The following RABGAP1L variants were observed in gnomAD, a reference collection of about 807,000 sequenced individuals.
RABGAP1L encodes RAB GTPase activating protein 1 like.
RABGAP1L carries 63 observed loss-of-function variants against 137.7 expected under a neutral mutation model. The ratio of observed to expected loss-of-function variants is 0.46; its 90% CI spans 0.37 to 0.56. RABGAP1L has a LOEUF of 0.56. RABGAP1L is among the 20% of genes least tolerant of loss of function. The probability of loss-of-function intolerance (pLI) is 0.00; values close to 1 mark genes in which losing one functional copy is unlikely to be tolerated. For missense variants in RABGAP1L, 1,095 were observed against 1,244.0 expected (o/e 0.88, Z 1.80); for synonymous variants, 431 against 433.7 (o/e 0.99, Z 0.08).
chr1:174,415,990 G>A (rs926263930), intron 13 of RABGAP1L, among the ~76,000 whole-genome samples: 10 of 140,378 alleles, frequency 7.1e-5, no homozygotes, highest in Admixed American at 5.0e-4. Context: ...CTTAAATTAA[G>A]TACTTAAGGA....
intron 11 of RABGAP1L, among the ~76,000 whole-genome samples, chr1:174,362,039 G>C (rs1278722036): frequency 6.6e-6 from 1 of 152,110 alleles, no homozygotes; most frequent in Non-Finnish European, 1.5e-5. Context: ...GCACTATTCA[G>C]TTTTCTGTTC....
intron 13 of RABGAP1L, chr1:174,548,159 T>G: frequency 6.8e-7 from 1 of 1,476,278 alleles, no homozygotes; most frequent in South Asian, 1.4e-5. Context: ...ATGTTACATA[T>G]GTTCATTTTA....
chr1:174,611,683 C>T (rs2148214276), intron 13 of RABGAP1L, among the ~76,000 whole-genome samples: 1 of 151,638 alleles, frequency 6.6e-6, no homozygotes, highest in South Asian at 2.1e-4. Context: ...TCTTCCTACC[C>T]ATGAGCATGG....
intron 11 of RABGAP1L, among the ~76,000 whole-genome samples, chr1:174,358,295 CA>C (rs1226068179): frequency 6.6e-6 from 1 of 152,016 alleles, no homozygotes; most frequent in Non-Finnish European, 1.5e-5. Flanking sequence ...TCCATTTATG[CA>C]AATGAAAGAT....
At chr1:174,166,362 G>A (rs1664908130) in intron 1 of RABGAP1L, among the ~76,000 whole-genome samples, 1 of 152,064 alleles carries the variant, frequency 6.6e-6, no homozygotes, top group Non-Finnish European at 1.5e-5. Flanking sequence ...CTTAATTTTT[G>A]GAGGCAGGTT....
intron 1 of RABGAP1L, among the ~76,000 whole-genome samples, chr1:174,202,991 C>T (rs1668240093): frequency 6.6e-6 from 1 of 151,980 alleles, no homozygotes; most frequent in African/African-American, 2.4e-5. Context: ...TTTTGCTGTG[C>T]AGAAGCTCAT....
chr1:174,834,603 G>A (rs1443086255), intron 19 of RABGAP1L, among the ~76,000 whole-genome samples: 1 of 113,090 alleles, frequency 8.8e-6, no homozygotes, highest in African/African-American at 3.3e-5. Flanking sequence ...GCCCATCCCC[G>A]CCCCCCCCGC....
chr1:174,773,000 T>C (rs1419172614), intron 18 of RABGAP1L, among the ~76,000 whole-genome samples: 1 of 152,210 alleles, frequency 6.6e-6, no homozygotes, highest in Non-Finnish European at 1.5e-5. Flanking sequence ...CTGTATTGAC[T>C]TGTTGGTATG....
intron 13 of RABGAP1L, among the ~76,000 whole-genome samples, chr1:174,519,090 T>TACAC (rs542053737): frequency 1.3e-5 from 2 of 150,600 alleles, no homozygotes; most frequent in East Asian, 3.9e-4. Flanking sequence ...AATATATATA[T>TACAC]ACACACACAC....
At chr1:174,894,440 A>G (rs1228990917) in intron 19 of RABGAP1L, among the ~76,000 whole-genome samples, 2 of 152,242 alleles carry the variant, frequency 1.3e-5, no homozygotes, top group African/African-American at 4.8e-5. Context: ...GTTTAACTTT[A>G]GCACTCAAGA....
At chr1:174,179,473 T>C (rs1230144279) in intron 1 of RABGAP1L, among the ~76,000 whole-genome samples, 1 of 152,164 alleles carries the variant, frequency 6.6e-6, no homozygotes, top group Non-Finnish European at 1.5e-5. Context: ...TCACATAGAA[T>C]GTTAAAAAGA....
rs75910353 is a variant in RABGAP1L, at chr1:174,747,090, G to A, written c.2170-5223G>A. On this transcript the variant is annotated intron_variant, in intron 17 of 25. Transcript: ENST00000681986. ...AATGGGAGGCATCTTGAAAATGTAT[G>A]AGATATTTTGCTTTTAAAAATACAT... Among the ~76,000 whole-genome samples, 87 of 152,220 alleles carry A rather than the reference G, an allele frequency of 5.7e-4. 1 individual carries two copies. In the East Asian group the frequency reaches 0.015, roughly 26 times the overall value.
chr1:174,408,447 T>G (rs1649528136), intron 13 of RABGAP1L, among the ~76,000 whole-genome samples: 1 of 152,242 alleles, frequency 6.6e-6, no homozygotes, highest in African/African-American at 2.4e-5. Context: ...ATACCACATT[T>G]TCTTTTTCCA....
intron 19 of RABGAP1L, among the ~76,000 whole-genome samples, chr1:174,930,685 A>G (rs1411663044): frequency 6.6e-6 from 1 of 152,220 alleles, no homozygotes; most frequent in East Asian, 1.9e-4. Flanking sequence ...ACATCCACGT[A>G]GTCATCACCC....
intron 13 of RABGAP1L, among the ~76,000 whole-genome samples, chr1:174,601,361 T>A (rs1336885126): frequency 6.6e-6 from 1 of 152,208 alleles, no homozygotes; most frequent in Non-Finnish European, 1.5e-5. Context: ...TTATGCAAAT[T>A]TCTGTAGCCA....
intron 13 of RABGAP1L, among the ~76,000 whole-genome samples, chr1:174,550,993 T>C (rs11801654): frequency 4.7e-5 from 3 of 64,464 alleles, no homozygotes; most frequent in African/African-American, 3.5e-4. Context: ...CATATATATA[T>C]ATACACATAT....
chr1:174,959,562 C>A (rs1466286870), intron 20 of RABGAP1L, among the ~76,000 whole-genome samples: 3 of 152,242 alleles, frequency 2.0e-5, no homozygotes, highest in Non-Finnish European at 4.4e-5. Flanking sequence ...ATTGAGAGAT[C>A]AAAGTAGGAT....
chr1:174,189,665 T>C (rs2148331256), intron 1 of RABGAP1L, among the ~76,000 whole-genome samples: 1 of 152,294 alleles, frequency 6.6e-6, no homozygotes, highest in East Asian at 1.9e-4. Flanking sequence ...GACTGACTCA[T>C]TGCTTTTTAA....
chr1:174,946,980 G>GTGTGTGTGTGTA lies in RABGAP1L; in HGVS notation c.2341-10476_2341-10475insGTGTGTGTGTAT, dbSNP rs770439099. Among the ~76,000 whole-genome samples the GTGTGTGTGTGTA allele has an allele frequency of 1.0e-3, 80 of 78,240 alleles. 1 individual carries two copies. The highest frequency in any genetic ancestry group is 1.5e-3 in the African/African-American group (27 of 18,438). The allele number at this position is 78,240 out of a possible 152,430, so 51.3% of individuals were successfully genotyped here. A position where few individuals can be genotyped will look rare whatever the true frequency, so the allele number is the denominator to read the frequency against. The stretch of plus-strand genomic sequence containing the variant: ...TGTGTGTGTGTGTGTGTGTGTGTGT[G>GTGTGTGTGTGTA]TATATATATGTATATATATATGTAT... On this transcript the variant is annotated intron_variant, in intron 19 of 25. Transcript: ENST00000681986.
Sources: allele counts gnomAD v4.1 joint callset (sites outside exome capture counted in the v4.1 genomes callset), GRCh38; gene constraint gnomAD v4.1.1; transcripts MANE v1.5; gene names NCBI Gene and HGNC (gene_info 2026-07-23, HGNC 2026-07-21).